The following TGFBR3 variants were observed in gnomAD, a reference collection of about 807,000 sequenced individuals.
TGFBR3 encodes the protein transforming growth factor beta receptor type 3.
In TGFBR3, 46 loss-of-function variants were observed where a neutral mutation model predicts 87.9. The observed-to-expected ratio is 0.52, with a 90% CI of 0.41 to 0.67. The LOEUF is 0.67. Ranked by LOEUF, TGFBR3 falls within the 30% of genes least tolerant of loss-of-function variation. The pLI, the probability that TGFBR3 is intolerant of heterozygous loss-of-function variation, is 0.00. For missense variants in TGFBR3, 866 were observed against 1,041.9 expected (o/e 0.83, Z 2.32); for synonymous variants, 381 against 391.6 (o/e 0.97, Z 0.32).
At chr1:91,704,067 C>T (rs1396068093) in intron 14 of TGFBR3, among the ~76,000 whole-genome samples, 1 of 152,000 alleles carries the variant, frequency 6.6e-6, no homozygotes, top group Non-Finnish European at 1.5e-5. Context: ...GTGGCTCATG[C>T]CTATAATCCC....
intron 2 of TGFBR3, among the ~76,000 whole-genome samples, chr1:91,827,960 C>A (rs1244371052): frequency 1.3e-5 from 2 of 152,194 alleles, no homozygotes; most frequent in Non-Finnish European, 2.9e-5. Flanking sequence ...TTATTAACCA[C>A]ACTGGGTAAC....
chr1:91,751,518 AC>A (rs1270185748), intron 4 of TGFBR3, among the ~76,000 whole-genome samples: 2 of 152,196 alleles, frequency 1.3e-5, no homozygotes, highest in African/African-American at 4.8e-5. Context: ...GCACAGGAAA[AC>A]AAATAGCACT....
At chr1:91,687,638 T>TCC (rs1431527936) in intron 16 of TGFBR3, among the ~76,000 whole-genome samples, 1 of 152,166 alleles carries the variant, frequency 6.6e-6, no homozygotes, top group African/African-American at 2.4e-5. Context: ...GCAAATACTC[T>TCC]CCATGAGGAT....
At chr1:91,845,916 C>T (rs919386021) in intron 2 of TGFBR3, among the ~76,000 whole-genome samples, 5 of 152,258 alleles carry the variant, frequency 3.3e-5, no homozygotes, top group African/African-American at 1.2e-4. Flanking sequence ...ACTAGAGTTC[C>T]TTTTCCTCTA....
At chr1:91,802,819 G>A (rs1198332497) in intron 2 of TGFBR3, among the ~76,000 whole-genome samples, 1 of 151,894 alleles carries the variant, frequency 6.6e-6, no homozygotes, top group Non-Finnish European at 1.5e-5. Context: ...AATGGCACCA[G>A]CCTCTTCCTA....
rs1557749900 is a variant in TGFBR3 at position 91,861,455 on chromosome 1, A to G, written c.61+16T>C. The G allele has an allele frequency of 6.3e-7, 1 of 1,589,184 alleles. No homozygotes were observed. The highest frequency in any genetic ancestry group is 8.6e-7 in the Non-Finnish European group (1 of 1,157,546). On this transcript the variant is annotated intron_variant, in intron 2 of 16. Transcript: ENST00000212355. ...AAAATATATAACAAATATGCAATTTATATTATGCAACTTACCTGCAGTGGC... is the reference window on the plus strand; with the variant it reads ...AAAATATATAACAAATATGCAATTTGTATTATGCAACTTACCTGCAGTGGC...
chr1:91,890,405 TAA>T (rs1557765284), upstream of TGFBR3, among the ~76,000 whole-genome samples: 1 of 130,142 alleles, frequency 7.7e-6, no homozygotes. Context: ...TGTTTCTCTA[TAA>T]TCTTTTTTTT....
In TGFBR3 at chr1:91,681,826, G is replaced by A. The variant is rs376306385; in HGVS notation, c.*1913C>T. Reference sequence around the variant, plus strand: ...ATATGCTGAAACAATACATTCCACCGAAGGTTAGGCAAAGCGCAATATTTT... The same window carrying A: ...ATATGCTGAAACAATACATTCCACCAAAGGTTAGGCAAAGCGCAATATTTT... On this transcript the variant is annotated 3_prime_UTR_variant, in exon 17 of 17. Coordinates refer to ENST00000212355, the MANE Select transcript of TGFBR3 (RefSeq NM_003243.5). 46 of 452,946 alleles carry A rather than the reference G, an allele frequency of 1.0e-4. No homozygotes were observed. The highest frequency in any genetic ancestry group is 7.2e-4 in the African/African-American group (36 of 49,830). 28.1% of individuals were successfully genotyped at this position (452,946 alleles called of 1,614,324 possible). A position where few individuals can be genotyped will look rare whatever the true frequency, so the allele number is the denominator to read the frequency against.
At chr1:91,816,426 A>G (rs1216919429) in intron 2 of TGFBR3, among the ~76,000 whole-genome samples, 2 of 152,136 alleles carry the variant, frequency 1.3e-5, no homozygotes, top group African/African-American at 4.8e-5. Context: ...CCTAATCCCT[A>G]CACTTCACTG....
Position 91,722,140 on chromosome 1 carries a change from G to T in TGFBR3, c.890C>A (p.Pro297His), listed in dbSNP as rs1672391827. 2 of 1,613,370 alleles carry T rather than the reference G, an allele frequency of 1.2e-6. No individual in the cohort carries two copies. Among genetic ancestry groups the T allele is most frequent in the African/African-American group, 2.7e-5 (2 of 74,886 alleles). The change falls in exon 8 of 17, where the codon CCT becomes CAT. Residue 297 changes from proline to histidine, a missense_variant. Pro to His is a moderately conservative substitution (Grantham distance 77). Coordinates refer to ENST00000212355, the MANE Select transcript of TGFBR3 (RefSeq NM_003243.5). ...CTCTTTTCCAAAGCCAATACTGTTAGGAGCCTGAAGATATAGCAAAAAAAT... is the reference window on the plus strand; with the variant it reads ...CTCTTTTCCAAAGCCAATACTGTTATGAGCCTGAAGATATAGCAAAAAAAT... The part of the protein sequence containing the change: ...DVKGSLKIIA[P>H]NSIGFGKESE...
rs1278613589 is a variant in TGFBR3, at chr1:91,681,604, G to T, written c.*2135C>A. ...ATTTTCTTTTTAACACGATGGAAAA[G>T]ATTTTTTAAAAAAGCAAAGGACTGA... On this transcript the variant is annotated 3_prime_UTR_variant, in exon 17 of 17. Transcript: ENST00000212355. 3 of 405,012 alleles carry T rather than the reference G, an allele frequency of 7.4e-6. No individual in the cohort carries two copies. Among genetic ancestry groups the T allele is most frequent in the Non-Finnish European group, 1.4e-5 (3 of 211,472 alleles). The allele number at this position is 405,012 out of a possible 1,614,324, so 25.1% of individuals were successfully genotyped here. A position where few individuals can be genotyped will look rare whatever the true frequency, so the allele number is the denominator to read the frequency against.
chr1:91,684,457 G>A (rs1283051644), intron 16 of TGFBR3, among the ~76,000 whole-genome samples: 1 of 152,192 alleles, frequency 6.6e-6, no homozygotes, highest in Non-Finnish European at 1.5e-5. Context: ...AACCTTTTGG[G>A]GAAGGGGTTT....
chr1:91,745,732 G>A (rs556253403), intron 4 of TGFBR3, among the ~76,000 whole-genome samples: 16 of 152,278 alleles, frequency 1.1e-4, no homozygotes, highest in South Asian at 2.1e-4. Flanking sequence ...AATGCAATCC[G>A]AAACATGTTT....
chr1:91,708,504 C>G (rs986058638), intron 14 of TGFBR3, among the ~76,000 whole-genome samples, 159 bp downstream of exon 14: 5 of 152,134 alleles, frequency 3.3e-5, no homozygotes, highest in African/African-American at 1.2e-4. Flanking sequence ...AGAGAACCAG[C>G]TAAAGAAAAG....
At chr1:91,903,423 T>C (rs1679776058) in intron 1 of TGFBR3, among the ~76,000 whole-genome samples, 1 of 150,402 alleles carries the variant, frequency 6.6e-6, no homozygotes, top group South Asian at 2.1e-4. Flanking sequence ...AGATAATGAT[T>C]GTTGATGGCA....
At chr1:91,861,737 T>C (rs1678203333) in intron 1 of TGFBR3, 93 bp from the exon 2 acceptor site, 4 of 611,380 alleles carry the variant, frequency 6.5e-6, no homozygotes, top group African/African-American at 1.9e-5. Flanking sequence ...AAAAGCGTAA[T>C]GTAAGAAATT....
At chr1:91,726,540 A>C (rs560623636) in intron 7 of TGFBR3, among the ~76,000 whole-genome samples, 29 of 148,324 alleles carry the variant, frequency 2.0e-4, no homozygotes, top group African/African-American at 7.0e-4. Context: ...AAAAAAAAAA[A>C]CCCACGGGAA....
chr1:91,812,157 T>G (rs925540503), intron 2 of TGFBR3, among the ~76,000 whole-genome samples: 5 of 152,202 alleles, frequency 3.3e-5, no homozygotes, highest in Non-Finnish European at 5.9e-5. Context: ...AAAAAGGGCT[T>G]TGTCTCAAGA....
intron 16 of TGFBR3, among the ~76,000 whole-genome samples, chr1:91,689,395 A>C (rs1671196822): frequency 6.6e-6 from 1 of 152,070 alleles, no homozygotes; most frequent in Non-Finnish European, 1.5e-5. Flanking sequence ...ATATATGGGA[A>C]CTCCACGACA....
Sources: allele counts gnomAD v4.1 joint callset (sites outside exome capture counted in the v4.1 genomes callset), GRCh38; gene constraint gnomAD v4.1.1; transcripts MANE v1.5; gene names NCBI Gene and HGNC (gene_info 2026-07-23, HGNC 2026-07-21).